The following SLC35F3 variants were observed in gnomAD, a reference collection of about 807,000 sequenced individuals.
The protein encoded by SLC35F3 is putative thiamine transporter SLC35F3.
SLC35F3 carries 25 observed loss-of-function variants against 49.9 expected under a neutral mutation model. The ratio of observed to expected loss-of-function variants is 0.50; its 90% CI spans 0.37 to 0.70. The LOEUF is 0.70. Ranked by LOEUF, SLC35F3 falls within the 30% of genes least tolerant of loss-of-function variation. The probability of loss-of-function intolerance (pLI) is 0.00; values close to 1 mark genes in which losing one functional copy is unlikely to be tolerated. For synonymous variants in SLC35F3, 275 were observed against 265.4 expected, an observed-to-expected ratio of 1.04 and a Z score of -0.35; for missense variants, 525 against 639.8, an observed-to-expected ratio of 0.82 and a Z score of 1.94.
intron 2 of SLC35F3, among the ~76,000 whole-genome samples, chr1:234,186,322 G>A (rs1174215767): frequency 1.3e-5 from 2 of 152,232 alleles, no homozygotes; most frequent in East Asian, 3.8e-4. Context: ...TCAAGACCAA[G>A]TGAACTTTAA....
intron 2 of SLC35F3, among the ~76,000 whole-genome samples, chr1:234,119,152 G>C (rs1189770561): frequency 6.6e-6 from 1 of 152,102 alleles, no homozygotes; most frequent in Non-Finnish European, 1.5e-5. Context: ...CATGGCAGGG[G>C]TGGGGTGTGT....
chr1:234,146,481 C>CTTTT (rs869146212), intron 2 of SLC35F3, among the ~76,000 whole-genome samples: 1,957 of 74,006 alleles, frequency 0.026, 442 homozygotes, highest in African/African-American at 0.11. Flanking sequence ...GATATTTGCT[C>CTTTT]TTTTTTTTTT....
chr1:234,159,839 T>C (rs563802023), intron 2 of SLC35F3, among the ~76,000 whole-genome samples: 1 of 152,314 alleles, frequency 6.6e-6, no homozygotes, highest in Non-Finnish European at 1.5e-5. Flanking sequence ...AAATAATCAC[T>C]ACACAATCAT....
At chr1:234,051,791 C>T (rs1664381808) in intron 2 of SLC35F3, among the ~76,000 whole-genome samples, 1 of 152,114 alleles carries the variant, frequency 6.6e-6, no homozygotes, top group Non-Finnish European at 1.5e-5. Flanking sequence ...ATAAATAGCT[C>T]TTATTATTTT....
chr1:233,938,801 A>T (rs1662375856), intron 2 of SLC35F3, among the ~76,000 whole-genome samples: 2 of 152,282 alleles, frequency 1.3e-5, no homozygotes, highest in Middle Eastern at 6.8e-3. Flanking sequence ...GAACTGAATG[A>T]TCGGAAAGGA....
rs2102900561 is a variant in SLC35F3 at position 234,136,166 on chromosome 1, C to A, written c.284-95251C>A. On this transcript the variant is annotated intron_variant, in intron 2 of 7. Transcript: ENST00000366618. ...GCTTTTCCCCATAGCACCCTCCACC[C>A]TCTTTCTTCCTTCTTCCCTCCCTTC... Among the ~76,000 whole-genome samples the A allele has an allele frequency of 3.3e-5, 5 of 152,136 alleles. No homozygotes were observed. In the Middle Eastern group the frequency reaches 0.014, roughly 414 times the overall value.
intron 2 of SLC35F3, among the ~76,000 whole-genome samples, chr1:233,995,047 T>A (rs1370735507): frequency 1.3e-5 from 2 of 152,194 alleles, no homozygotes; most frequent in Admixed American, 1.3e-4. Flanking sequence ...CATAGAGTCA[T>A]TAGGAGGATT....
chr1:233,936,962 G>A (rs1051956654), intron 2 of SLC35F3, among the ~76,000 whole-genome samples: 1 of 152,196 alleles, frequency 6.6e-6, no homozygotes, highest in Admixed American at 6.5e-5. Flanking sequence ...AAAGTGTTGA[G>A]ATTACAGGCG....
At chr1:234,061,583 G>A (rs1227609850) in intron 2 of SLC35F3, among the ~76,000 whole-genome samples, 3 of 151,768 alleles carry the variant, frequency 2.0e-5, no homozygotes, top group African/African-American at 4.8e-5. Flanking sequence ...TGCCCATTAT[G>A]TATATATTGG....
At chr1:234,122,727 G>T (rs528272651) in intron 2 of SLC35F3, among the ~76,000 whole-genome samples, 1 of 152,118 alleles carries the variant, frequency 6.6e-6, no homozygotes, top group Non-Finnish European at 1.5e-5. Flanking sequence ...TTGGTTTTCT[G>T]TTCCTGTGTT....
chr1:234,064,054 G>A (rs1664581494), intron 2 of SLC35F3, among the ~76,000 whole-genome samples: 1 of 152,224 alleles, frequency 6.6e-6, no homozygotes, highest in Non-Finnish European at 1.5e-5. Context: ...AAGCATGTCT[G>A]TGGAGCCCCT....
intron 2 of SLC35F3, among the ~76,000 whole-genome samples, chr1:233,985,013 T>TG (rs1663243918): frequency 7.1e-6 from 1 of 141,668 alleles, no homozygotes; most frequent in African/African-American, 2.5e-5. Flanking sequence ...CATGCAGGGG[T>TG]TGGGGGGGTG....
intron 2 of SLC35F3, among the ~76,000 whole-genome samples, chr1:234,123,813 T>C (rs902942479): frequency 4.6e-5 from 7 of 152,174 alleles, no homozygotes; most frequent in African/African-American, 1.7e-4. Context: ...GAAAAGAATC[T>C]AAAAGCCCAT....
At chr1:234,090,507 G>A (rs1013801056) in intron 2 of SLC35F3, among the ~76,000 whole-genome samples, 2 of 152,216 alleles carry the variant, frequency 1.3e-5, no homozygotes, top group Non-Finnish European at 2.9e-5. Flanking sequence ...AATAAGGCTC[G>A]GGGGTACTTA....
chr1:233,935,189 C>CTTTTTTT (rs35418747), intron 2 of SLC35F3, among the ~76,000 whole-genome samples: 2,497 of 50,174 alleles, frequency 0.05, 724 homozygotes, highest in Middle Eastern at 0.14. Context: ...TTTCCTTGCC[C>CTTTTTTT]TTTTTTTTTT....
intron 2 of SLC35F3, among the ~76,000 whole-genome samples, chr1:234,017,018 A>G (rs188070227): frequency 8.5e-5 from 13 of 152,302 alleles, no homozygotes; most frequent in Admixed American, 2.6e-4. Context: ...CCCATTAAAC[A>G]TCATTCCTTA....
chr1:234,206,461 G>A (rs1666970962), intron 2 of SLC35F3, among the ~76,000 whole-genome samples: 1 of 139,244 alleles, frequency 7.2e-6, no homozygotes, highest in Non-Finnish European at 1.6e-5. Flanking sequence ...CTGGTTCCTG[G>A]GGGTGGGGGG....
At chr1:233,980,841 T>C (rs567307876) in intron 2 of SLC35F3, among the ~76,000 whole-genome samples, 1 of 152,318 alleles carries the variant, frequency 6.6e-6, no homozygotes, top group South Asian at 2.1e-4. Context: ...GCAACATTCA[T>C]TGGGCATTTG....
intron 2 of SLC35F3, among the ~76,000 whole-genome samples, chr1:234,007,366 G>A (rs1666453398): frequency 6.6e-6 from 1 of 152,132 alleles, no homozygotes; most frequent in African/African-American, 2.4e-5. Context: ...TCTGAGGGGA[G>A]CAAGTGCAAG....
Sources: gnomAD v4.1 joint callset for allele counts (sites outside exome capture counted in the v4.1 genomes callset) on GRCh38, gnomAD v4.1.1 for gene constraint, MANE v1.5 for transcripts, NCBI Gene and HGNC (gene_info 2026-07-23, HGNC 2026-07-21) for gene names.